FREM2: variants seen among roughly 807,000 people sequenced by gnomAD.
The protein encoded by FREM2 is FRAS1 related extracellular matrix 2, also known as FRAS1-related extracellular matrix protein 2.
In FREM2, 119 loss-of-function variants were observed where a neutral mutation model predicts 219.9. The observed-to-expected ratio is 0.54, with a 90% CI of 0.47 to 0.63. The LOEUF is 0.63. Among genes scored for constraint, FREM2 ranks in the 30% least tolerant of loss-of-function variants. The pLI is 0.00. For missense variants in FREM2, 4,030 were observed against 3,993.6 expected (o/e 1.01, Z -0.25); for synonymous variants, 1,562 against 1,522.8 (o/e 1.03, Z -0.60).
chr13:38,857,648 G>T (rs1293017139), intron 12 of FREM2, among the ~76,000 whole-genome samples: 6 of 152,184 alleles, frequency 3.9e-5, no homozygotes, highest in Non-Finnish European at 8.8e-5. Context: ...TGGATTGACT[G>T]CCCTGGGCTC....
Position 38,858,038 on chromosome 13 carries a change from G to A in FREM2, c.7215+5G>A, listed in dbSNP as rs766335502. ...TATCCTGTCATCTGTATCACAGTGA[G>A]TAGGAGATTCACAAAATTGAGGAAA... On this transcript the variant is annotated splice_donor_5th_base_variant and intron_variant, in intron 13 of 23. Coordinates refer to ENST00000280481, the MANE Select transcript of FREM2 (RefSeq NM_207361.6). 1 of 1,611,888 alleles carries A rather than the reference G, an allele frequency of 6.2e-7. No individual in the cohort carries two copies. The highest frequency in any genetic ancestry group is 8.5e-7 in the Non-Finnish European group (1 of 1,178,044).
At chr13:38,771,599 T>C (rs1250417439) in intron 4 of FREM2, among the ~76,000 whole-genome samples, 1 of 152,156 alleles carries the variant, frequency 6.6e-6, no homozygotes, top group Non-Finnish European at 1.5e-5. Context: ...CTTTTCTTAG[T>C]GTAGGCTATA....
chr13:38,783,707 T>C (rs1231095562), intron 5 of FREM2, among the ~76,000 whole-genome samples: 2 of 152,146 alleles, frequency 1.3e-5, no homozygotes, highest in Non-Finnish European at 2.9e-5. Flanking sequence ...AAATGCAAAA[T>C]CAAAAGTTAT....
intron 4 of FREM2, among the ~76,000 whole-genome samples, chr13:38,777,739 C>T (rs969569218): frequency 1.3e-5 from 2 of 152,126 alleles, no homozygotes; most frequent in African/African-American, 2.4e-5. Context: ...GTATTTATAA[C>T]GTGAAGTTGA....
chr13:38,864,407 T>G lies in FREM2; in HGVS notation c.7784T>G (p.Phe2595Cys). Residue 2595 changes from phenylalanine to cysteine, a missense_variant, in exon 16 of 24, where the codon TTC becomes TGC. Phe to Cys is a radical substitution (Grantham distance 205). Around this residue, in one of 2 missense-constraint regions of FREM2, gnomAD observed 928 missense variants for 1,042.9 expected, o/e 0.89. Coordinates refer to ENST00000280481, the MANE Select transcript of FREM2 (RefSeq NM_207361.6). ...ACTGAAGTGAAGACTCATTATGGTT[T>G]CTTGACTGATGCTACCAAAAATCCA... ...DYTEVKTHYG[F>C]LTDATKNPEI... 6.2e-7 allele frequency: 1 copy of G among 1,614,180 alleles called. No individual in the cohort carries two copies. The highest frequency in any genetic ancestry group is 8.5e-7 in the Non-Finnish European group (1 of 1,180,002).
rs1471405676 is a variant in FREM2, at chr13:38,883,262, C to T, written c.*2475C>T. On this transcript the variant is annotated 3_prime_UTR_variant, in exon 24 of 24. Transcript: ENST00000280481. ...TTTACTAAGTATGTAATTTAATATACATTAATTATTTTTTGAAACTCTTGT... is the reference window on the plus strand; with the variant it reads ...TTTACTAAGTATGTAATTTAATATATATTAATTATTTTTTGAAACTCTTGT... The T allele has an allele frequency of 5.3e-5, 8 of 151,982 alleles. No homozygotes were observed. Among genetic ancestry groups the T allele is most frequent in the Admixed American group, 5.2e-4 (8 of 15,258 alleles). 9.4% of individuals were successfully genotyped at this position (151,982 alleles called of 1,614,324 possible).
chr13:38,829,087 C>T (rs1188544960), intron 6 of FREM2, among the ~76,000 whole-genome samples: 1 of 152,092 alleles, frequency 6.6e-6, no homozygotes, highest in Non-Finnish European at 1.5e-5. Flanking sequence ...AAATCCATGA[C>T]ACATATGCTG....
At chr13:38,710,379 TTTAA>T (rs2138094223) in intron 2 of FREM2, among the ~76,000 whole-genome samples, 1 of 152,260 alleles carries the variant, frequency 6.6e-6, no homozygotes, top group East Asian at 1.9e-4. Flanking sequence ...GAATGCAAAG[TTTAA>T]TTAGGTGAAT....
chr13:38,859,189 G>A (rs1023015179), intron 13 of FREM2, 98 bp from the exon 14 acceptor site: 14 of 1,169,394 alleles, frequency 1.2e-5, no homozygotes, highest in Non-Finnish European at 1.8e-5. Context: ...TGGAAATTGG[G>A]GAAAGCAGCA....
At chr13:38,748,181 C>T (rs1872564973) in intron 2 of FREM2, among the ~76,000 whole-genome samples, 1 of 152,110 alleles carries the variant, frequency 6.6e-6, no homozygotes, top group African/African-American at 2.4e-5. Context: ...AGCGTGTGTT[C>T]CAACAGTAAA....
chr13:38,807,880 C>T (rs1300073060), intron 6 of FREM2, among the ~76,000 whole-genome samples: 1 of 151,952 alleles, frequency 6.6e-6, no homozygotes, highest in Non-Finnish European at 1.5e-5. Context: ...GCATTAGCCC[C>T]TAATAAGAGA....
intron 2 of FREM2, among the ~76,000 whole-genome samples, chr13:38,733,262 T>C (rs1004880854): frequency 4.6e-5 from 7 of 150,802 alleles, no homozygotes; most frequent in African/African-American, 1.7e-4. Context: ...CCTCATCTTG[T>C]GGGAAGTAGA....
intron 6 of FREM2, among the ~76,000 whole-genome samples, chr13:38,817,166 C>G (rs999042580): frequency 4.3e-4 from 66 of 152,052 alleles, no homozygotes; most frequent in African/African-American, 1.5e-3. Context: ...TAATGCAATT[C>G]CTATCAAAAT....
At position 38,691,372 on chromosome 13, in the gene FREM2, T is replaced by G; in HGVS notation, c.4028T>G (p.Ile1343Ser). Reference sequence around the variant, plus strand: ...GAAGACAAATCTTTGGTTTATATTATTCGTTATGGGCCAGGACATGGCTTA... The same window carrying G: ...GAAGACAAATCTTTGGTTTATATTAGTCGTTATGGGCCAGGACATGGCTTA... ...DSEDKSLVYI[I>S]RYGPGHGLLQ... The change falls in exon 1 of 24, where the codon ATT becomes AGT. Residue 1343 changes from isoleucine (I) to serine (S), a missense_variant. Transcript: ENST00000280481. 1.2e-6 allele frequency: 2 copies of G among 1,614,080 alleles called. No homozygotes were observed. The highest frequency in any genetic ancestry group is 1.7e-6 in the Non-Finnish European group (2 of 1,179,946).
chr13:38,712,804 T>A (rs1870835022), intron 2 of FREM2, among the ~76,000 whole-genome samples: 1 of 152,156 alleles, frequency 6.6e-6, no homozygotes, highest in African/African-American at 2.4e-5. Flanking sequence ...AAAATTAGCC[T>A]CTTAGGAAAT....
At chr13:38,741,696 T>G (rs1452903522) in intron 2 of FREM2, among the ~76,000 whole-genome samples, 1 of 152,210 alleles carries the variant, frequency 6.6e-6, no homozygotes, top group Non-Finnish European at 1.5e-5. Context: ...AAGTGTTGTT[T>G]TCATTCCCTT....
chr13:38,769,673 A>G lies in FREM2; in HGVS notation c.5506A>G (p.Thr1836Ala). The stretch of plus-strand genomic sequence containing the variant: ...GTTCAACCCAGGCCAGACCAGGGCC[A>G]CATGGCGAGTGCGGATCCTGAGTGA... The part of the protein sequence containing the change: ...VQFNPGQTRA[T>A]WRVRILSDGE... Residue 1836 changes from threonine to alanine, a missense_variant, in exon 4 of 24, where the codon ACA becomes GCA. By Grantham distance (58) the Thr-to-Ala change is moderately conservative. This residue lies in a region of FREM2 where 3,102 missense variants were observed against 2,950.7 expected (regional missense o/e 1.05). Coordinates refer to ENST00000280481, the MANE Select transcript of FREM2 (RefSeq NM_207361.6). 2 of 1,614,190 alleles carry G rather than the reference A, an allele frequency of 1.2e-6. No homozygotes were observed. Among genetic ancestry groups the G allele is most frequent in the Non-Finnish European group, 8.5e-7 (1 of 1,180,008 alleles).
intron 17 of FREM2, 152 bp downstream of exon 17, chr13:38,873,086 CAAA>C (rs1191052412): frequency 2.8e-6 from 2 of 701,890 alleles, no homozygotes; most frequent in East Asian, 2.7e-5. Context: ...CCTTTTTCAT[CAAA>C]AAACTCTTTA....
Position 38,876,136 on chromosome 13 carries a change from T to A in FREM2, c.8396T>A (p.Val2799Asp). The change falls in exon 19 of 24, where the codon GTC becomes GAC. Residue 2799 changes from valine (V) to aspartate (D), a missense_variant. By Grantham distance (152) the Val-to-Asp change is radical. Coordinates refer to ENST00000280481, the MANE Select transcript of FREM2 (RefSeq NM_207361.6). The part of the protein sequence containing the change: ...YNQPVQQWSF[V>D]SDFAVRDYSG... The stretch of plus-strand genomic sequence containing the variant: ...CAGCCAGTACAGCAGTGGAGCTTTG[T>A]CTCTGACTTTGCCGTAAGTGACTAA... 6.2e-7 allele frequency: 1 copy of A among 1,614,174 alleles called. No homozygotes were observed. Among genetic ancestry groups the A allele is most frequent in the South Asian group, 1.1e-5 (1 of 91,076 alleles).
Sources: allele counts gnomAD v4.1 joint callset (sites outside exome capture counted in the v4.1 genomes callset), GRCh38; gene constraint gnomAD v4.1.1; regional missense constraint gnomAD v4.1.1; transcripts MANE v1.5; gene names NCBI Gene and HGNC (gene_info 2026-07-23, HGNC 2026-07-21).